The following NUP54 variants were observed in gnomAD, a reference collection of about 807,000 sequenced individuals.
NUP54 encodes nucleoporin p54.
A neutral mutation model predicts 66.4 loss-of-function variants in NUP54; 27 were observed. The observed-to-expected ratio is 0.41, with a 90% confidence interval of 0.30 to 0.56. The LOEUF is 0.56. Ranked by LOEUF, NUP54 falls within the 20% of genes least tolerant of loss-of-function variation. The pLI, the probability that NUP54 is intolerant of heterozygous loss-of-function variation, is 0.34. For synonymous variants in NUP54, 206 were observed against 210.7 expected (o/e 0.98, Z 0.19); for missense variants, 486 against 596.3 (o/e 0.82, Z 1.93).
chr4:76,147,405 C>T, intron 1 of NUP54: 1 of 1,046,448 alleles, frequency 9.6e-7, no homozygotes, highest in Admixed American at 3.1e-5. Context: ...TGTTCTTTCC[C>T]AAACTCCAGG....
chr4:76,145,599 G>T (rs763063803), intron 1 of NUP54: 2 of 1,266,662 alleles, frequency 1.6e-6, no homozygotes, highest in African/African-American at 3.1e-5. Flanking sequence ...AGATTTGACA[G>T]ATAAATGGAA....
intron 1 of NUP54, among the ~76,000 whole-genome samples, chr4:76,146,987 G>A (rs986252113): frequency 2.6e-5 from 4 of 152,094 alleles, no homozygotes; most frequent in African/African-American, 9.7e-5. Context: ...CTGCTGAGTT[G>A]ACCAAAGAAA....
At chr4:76,127,385 T>C (rs4552491) in intron 8 of NUP54, among the ~76,000 whole-genome samples, 24,014 of 139,584 alleles carry the variant, frequency 0.17, 2,202 homozygotes, top group East Asian at 0.41. Context: ...TGAGCCGAGA[T>C]TGCGCCACTG....
At chr4:76,140,535 C>T (rs1731224834) in intron 3 of NUP54, among the ~76,000 whole-genome samples, 1 of 152,112 alleles carries the variant, frequency 6.6e-6, no homozygotes, top group African/African-American at 2.4e-5. Context: ...ACCTCAGCCT[C>T]CCAAAGTGCT....
At chr4:76,130,512 G>T (rs1214313099) in intron 8 of NUP54, 144 bp downstream of exon 8, 2 of 547,312 alleles carry the variant, frequency 3.7e-6, no homozygotes, top group African/African-American at 1.9e-5. Flanking sequence ...AAAGAAGGTA[G>T]TTGTATAAAA....
intron 3 of NUP54, among the ~76,000 whole-genome samples, chr4:76,139,715 A>T (rs1731184238): frequency 6.6e-6 from 1 of 152,212 alleles, no homozygotes; most frequent in Admixed American, 6.5e-5. Context: ...ACATTTTTAA[A>T]GAGAGAAGTA....
At chr4:76,146,227 T>C in intron 1 of NUP54, 1 of 281,818 alleles carries the variant, frequency 3.5e-6, no homozygotes, top group Non-Finnish European at 7.2e-6. Context: ...TACATTATCA[T>C]AACTCAAAAC....
chr4:76,132,628 C>T lies in NUP54; in HGVS notation c.802G>A (p.Ala268Thr), dbSNP rs370241180. The T allele has an allele frequency of 9.3e-6, 15 of 1,613,846 alleles. No individual in the cohort carries two copies. In the African/African-American group the frequency reaches 1.7e-4, roughly 19 times the overall value. ...TGCTGCAATTGTGTTTTTATATTGGCTTGTTCAAAATGGGCATATAGCGTT... is the reference window on the plus strand; with the variant it reads ...TGCTGCAATTGTGTTTTTATATTGGTTTGTTCAAAATGGGCATATAGCGTT... ...ATTLYAHFEQ[A>T]NIKTQLQQLG... The change falls in exon 6 of 12, where the codon GCC becomes ACC. Residue 268 changes from alanine to threonine, a missense_variant. Ala to Thr is a moderately conservative substitution (Grantham distance 58, BLOSUM62 0). This residue lies in a region of NUP54 where 217 missense variants were observed against 247.9 expected (regional missense o/e 0.88). Coordinates refer to ENST00000264883, the MANE Select transcript of NUP54 (RefSeq NM_017426.4).
At chr4:76,139,875 T>C (rs1731190715) in intron 3 of NUP54, among the ~76,000 whole-genome samples, 1 of 152,232 alleles carries the variant, frequency 6.6e-6, no homozygotes, top group Admixed American at 6.5e-5. Context: ...TTTTCTTTGT[T>C]AGCATTTTTC....
At position 76,148,379 on chromosome 4, in the gene NUP54, C is replaced by G; in HGVS notation, c.-5G>C. 1.3e-6 allele frequency: 2 copies of G among 1,533,086 alleles called. No individual in the cohort carries two copies. The highest frequency in any genetic ancestry group is 2.5e-5 in the East Asian group (1 of 39,594). 95.0% of individuals were successfully genotyped at this position (1,533,086 alleles called of 1,614,324 possible). On this transcript the variant is annotated 5_prime_UTR_variant, in exon 1 of 12. Coordinates refer to ENST00000264883, the MANE Select transcript of NUP54 (RefSeq NM_017426.4). ...AGCCCCAAAATTGAAGGCCATGTCGCGAAAGCAGGAGACCAAGTAGGTTAC... is the reference window on the plus strand; with the variant it reads ...AGCCCCAAAATTGAAGGCCATGTCGGGAAAGCAGGAGACCAAGTAGGTTAC...
chr4:76,140,285 GTT>G (rs35963995), intron 3 of NUP54, among the ~76,000 whole-genome samples: 25 of 130,146 alleles, frequency 1.9e-4, no homozygotes, highest in East Asian at 2.4e-4. Flanking sequence ...TTTCTCTTTG[GTT>G]TTTTTTTTTT....
chr4:76,143,027 T>C (rs1222086168), intron 3 of NUP54, among the ~76,000 whole-genome samples: 1 of 151,980 alleles, frequency 6.6e-6, no homozygotes, highest in Admixed American at 6.6e-5. Context: ...TAACCCCTAA[T>C]GAATTAATGG....
rs1419337538 is a variant in NUP54 at position 76,116,284 on chromosome 4, C to T, written c.1396-790G>A. The stretch of plus-strand genomic sequence containing the variant: ...TGGTTATGTGTGTAATATCCAAGAA[C>T]CTGGAAGCCAAAGTAGTTTTTGGTT... On this transcript the variant is annotated intron_variant, in intron 11 of 11. Coordinates refer to ENST00000264883, the MANE Select transcript of NUP54 (RefSeq NM_017426.4). 2.6e-5 allele frequency among the ~76,000 whole-genome samples: 4 copies of T among 152,196 alleles called. No homozygotes were observed. The East Asian group carries it at 7.7e-4, about 29-fold the overall frequency.
At chr4:76,128,592 A>G (rs1730645704) in intron 8 of NUP54, among the ~76,000 whole-genome samples, 2 of 152,232 alleles carry the variant, frequency 1.3e-5, no homozygotes, top group Admixed American at 1.3e-4. Flanking sequence ...TATGCCATAC[A>G]AACACTTTTT....
chr4:76,124,477 CTA>C (rs1730370684), intron 9 of NUP54, 170 bp downstream of exon 9: 12 of 404,138 alleles, frequency 3.0e-5, no homozygotes. Flanking sequence ...TCACTCAAAC[CTA>C]TGAGACTTGT....
At chr4:76,124,609 T>C (rs7697701) in intron 9 of NUP54, 40 bp downstream of exon 9, 3 of 836,764 alleles carry the variant, frequency 3.6e-6, no homozygotes, top group Admixed American at 2.0e-5. Context: ...TTCACACACA[T>C]AGTCTTATAA....
At chr4:76,125,316 TCACACACA>T (rs34954421) in intron 8 of NUP54, among the ~76,000 whole-genome samples, 116 of 125,384 alleles carry the variant, frequency 9.3e-4, no homozygotes, top group African/African-American at 2.7e-3. Context: ...TGAGACTCCA[TCACACACA>T]CACACACACA....
At chr4:76,123,991 T>C (rs1326337825) in intron 9 of NUP54, among the ~76,000 whole-genome samples, 1 of 152,234 alleles carries the variant, frequency 6.6e-6, no homozygotes, top group African/African-American at 2.4e-5. Context: ...TTACATTTTT[T>C]AGTCTTTCAC....
intron 8 of NUP54, 96 bp downstream of exon 8, chr4:76,130,560 T>G (rs1432440590): frequency 1.3e-6 from 1 of 793,656 alleles, no homozygotes; most frequent in East Asian, 2.6e-5. Flanking sequence ...GTTTCCTGAT[T>G]AAGATAAAAC....
Sources: allele counts gnomAD v4.1 joint callset (sites outside exome capture counted in the v4.1 genomes callset), GRCh38; gene constraint gnomAD v4.1.1; regional missense constraint gnomAD v4.1.1; transcripts MANE v1.5; gene names NCBI Gene and HGNC (gene_info 2026-07-23, HGNC 2026-07-21).